Variants in STAM observed in about 807,000 individuals in gnomAD.
STAM encodes signal transducing adapter molecule 1.
STAM carries 16 observed loss-of-function variants against 63.4 expected under a neutral mutation model. That is an observed-to-expected ratio of 0.25 (90% CI 0.17 to 0.38). The LOEUF (loss-of-function observed/expected upper bound fraction) is 0.38. Ranked by LOEUF, STAM falls within the 10% of genes least tolerant of loss-of-function variation. The pLI, the probability that STAM is intolerant of heterozygous loss-of-function variation, is 1.00. For missense variants in STAM, 636 were observed against 657.1 expected (o/e 0.97, Z 0.35); for synonymous variants, 238 against 223.9 (o/e 1.06, Z -0.56).
chr10:17,679,526 A>G (rs1194851833), intron 2 of STAM, among the ~76,000 whole-genome samples: 3 of 150,658 alleles, frequency 2.0e-5, no homozygotes, highest in Admixed American at 6.6e-5. Flanking sequence ...TTCTTTATTG[A>G]TGGTATCCCT....
chr10:17,685,209 A>T (rs11593203), intron 4 of STAM, among the ~76,000 whole-genome samples: 6 of 152,230 alleles, frequency 3.9e-5, no homozygotes, highest in African/African-American at 1.4e-4. Context: ...TAATTAAATA[A>T]TATCAGTCTA....
intron 2 of STAM, among the ~76,000 whole-genome samples, chr10:17,663,206 T>G (rs782245474): frequency 6.6e-6 from 1 of 152,156 alleles, no homozygotes; most frequent in Non-Finnish European, 1.5e-5. Flanking sequence ...GTTAACGTTA[T>G]TCTCCCAGAA....
chr10:17,705,420 T>TA (rs1208838150), intron 11 of STAM, among the ~76,000 whole-genome samples, 168 bp from the exon 12 acceptor site: 2 of 152,212 alleles, frequency 1.3e-5, no homozygotes, highest in African/African-American at 4.8e-5. Flanking sequence ...TTAAACAGTT[T>TA]GGGTTGCTTC....
intron 12 of STAM, among the ~76,000 whole-genome samples, chr10:17,707,432 A>AATG (rs1554829424): frequency 6.6e-6 from 1 of 151,898 alleles, no homozygotes. Flanking sequence ...TAATAATAAT[A>AATG]ATAAATAAAA....
At chr10:17,707,893 T>A (rs890285145) in intron 12 of STAM, among the ~76,000 whole-genome samples, 1 of 151,758 alleles carries the variant, frequency 6.6e-6, no homozygotes, top group African/African-American at 2.4e-5. Context: ...TTTTTTTTTT[T>A]AATAAACTTT....
In STAM at chr10:17,705,684, T is replaced by C; in HGVS notation, c.1152T>C (p.Tyr384=). 5.0e-6 allele frequency: 8 copies of C among 1,614,058 alleles called. No homozygotes were observed. The highest frequency in any genetic ancestry group is 6.8e-6 in the Non-Finnish European group (8 of 1,179,974). The part of the protein sequence containing the change: ...LMNEDPMYSM[Y]AKLQNQPYYM... ...ACGAAGATCCGATGTATTCCATGTATGCAAAGTTACAGAATCAGCCATATT... is the reference window on the plus strand; with the variant it reads ...ACGAAGATCCGATGTATTCCATGTACGCAAAGTTACAGAATCAGCCATATT... Residue 384 remains tyrosine (Y), a synonymous_variant, in exon 12 of 14, where the codon TAT becomes TAC. Coordinates refer to ENST00000377524, the MANE Select transcript of STAM (RefSeq NM_003473.4).
chr10:17,669,825 G>C (rs190695180), intron 2 of STAM, among the ~76,000 whole-genome samples: 6 of 149,736 alleles, frequency 4.0e-5, no homozygotes, highest in Non-Finnish European at 8.9e-5. Context: ...AGCCTCCCCA[G>C]TAGCTGGGAC....
intron 1 of STAM, among the ~76,000 whole-genome samples, chr10:17,645,396 G>C (rs1272621631): frequency 2.6e-5 from 4 of 152,060 alleles, no homozygotes; most frequent in Non-Finnish European, 5.9e-5. Context: ...CTCTTCCTTA[G>C]AGCATGTCAC....
intron 1 of STAM, among the ~76,000 whole-genome samples, chr10:17,653,934 TTC>T (rs1438272547): frequency 6.6e-6 from 1 of 152,162 alleles, no homozygotes; most frequent in African/African-American, 2.4e-5. Flanking sequence ...GTATAGTACT[TTC>T]TATGTGAGTT....
intron 2 of STAM, among the ~76,000 whole-genome samples, chr10:17,666,959 C>T (rs1834412605): frequency 1.3e-5 from 2 of 152,042 alleles, no homozygotes; most frequent in East Asian, 1.9e-4. Flanking sequence ...TTATTGACTA[C>T]TTATTGTTTG....
At chr10:17,664,507 T>C (rs1834299534) in intron 2 of STAM, among the ~76,000 whole-genome samples, 1 of 152,108 alleles carries the variant, frequency 6.6e-6, no homozygotes, top group Non-Finnish European at 1.5e-5. Context: ...ATGGACAACT[T>C]ATAGAAATCT....
chr10:17,657,807 C>T (rs900787154), intron 1 of STAM, among the ~76,000 whole-genome samples: 3 of 150,188 alleles, frequency 2.0e-5, no homozygotes, highest in African/African-American at 7.3e-5. Context: ...TAGTGATGTC[C>T]CTTCTTTCAT....
Position 17,714,958 on chromosome 10 carries a change from T to A in STAM, c.*178T>A, listed in dbSNP as rs940554070. ...ATTTACACTGACTTTTTAGAGGTTC[T>A]TCCCCCCCCGCCCCTGCAGAGGAAT... On this transcript the variant is annotated 3_prime_UTR_variant, in exon 14 of 14. Transcript: ENST00000377524. The A allele has an allele frequency of 5.3e-5, 32 of 603,270 alleles. No homozygotes were observed. The South Asian group carries it at 6.3e-4, about 12-fold the overall frequency. The allele number at this position is 603,270 out of a possible 1,614,324, so 37.4% of individuals were successfully genotyped here.
intron 1 of STAM, among the ~76,000 whole-genome samples, chr10:17,644,825 G>A (rs879964526): frequency 6.6e-6 from 1 of 152,166 alleles, no homozygotes; most frequent in East Asian, 1.9e-4. Flanking sequence ...GTTCCTTAGA[G>A]GATTTTAAAA....
chr10:17,690,362 A>G (rs918013143), intron 5 of STAM, among the ~76,000 whole-genome samples: 10 of 152,250 alleles, frequency 6.6e-5, no homozygotes, highest in Non-Finnish European at 1.5e-4. Context: ...TAGAAGAGCA[A>G]TAGTAAAGAT....
chr10:17,655,603 G>T (rs570498471), intron 1 of STAM, among the ~76,000 whole-genome samples: 4 of 152,114 alleles, frequency 2.6e-5, no homozygotes, highest in African/African-American at 4.8e-5. Context: ...CTCACTTGAC[G>T]TACTTCTGCT....
At chr10:17,706,371 T>C (rs932426172) in intron 12 of STAM, among the ~76,000 whole-genome samples, 4 of 63,370 alleles carry the variant, frequency 6.3e-5, no homozygotes, top group Non-Finnish European at 1.1e-4. Flanking sequence ...TTGAGGCCCT[T>C]TTTTTTTTTT....
chr10:17,675,556 A>C (rs1461328238), intron 2 of STAM, among the ~76,000 whole-genome samples: 2 of 151,978 alleles, frequency 1.3e-5, no homozygotes, highest in Admixed American at 1.3e-4. Context: ...TTTAAACATG[A>C]TATTGTAGTT....
intron 5 of STAM, among the ~76,000 whole-genome samples, chr10:17,692,249 AGTACCTT>A (rs1193664751): frequency 6.6e-6 from 1 of 152,232 alleles, no homozygotes; most frequent in Admixed American, 6.5e-5. Context: ...CTCATATCGC[AGTACCTT>A]GTTTAAAGGT....
Sources: allele counts gnomAD v4.1 joint callset (sites outside exome capture counted in the v4.1 genomes callset), GRCh38; gene constraint gnomAD v4.1.1; transcripts MANE v1.5; gene names NCBI Gene and HGNC (gene_info 2026-07-23, HGNC 2026-07-21).